Variants in CCDC170 observed in about 807,000 individuals in gnomAD.
The protein encoded by CCDC170 is coiled-coil domain containing 170.
A neutral mutation model predicts 72.6 loss-of-function variants in CCDC170; 69 were observed. The ratio of observed to expected loss-of-function variants is 0.95; its 90% confidence interval spans 0.78 to 1.16. CCDC170 has a LOEUF of 1.16. CCDC170 is among the 50% of genes most tolerant of loss of function. The pLI, the probability that CCDC170 is intolerant of heterozygous loss-of-function variation, is 0.00. For missense variants in CCDC170, 852 were observed against 832.5 expected (o/e 1.02, Z -0.29); for synonymous variants, 300 against 303.9 (o/e 0.99, Z 0.13).
In CCDC170 at chr6:151,573,391, C is replaced by T. The variant is rs1776257064; in HGVS notation, c.992C>T (p.Ala331Val). Residue 331 changes from alanine (A) to valine (V), a missense_variant, in exon 6 of 11, where the codon GCA becomes GTA. Coordinates refer to ENST00000239374, the MANE Select transcript of CCDC170 (RefSeq NM_025059.4). ...SQYFSFREKI[A>V]ALLRGRLSMT... ...TACTTCTCATTTAGGGAGAAAATCG[C>T]AGCCCTCCTTAGGGGCAGATTGAGC... The T allele has an allele frequency of 2.5e-6, 4 of 1,614,022 alleles. No homozygotes were observed. Among genetic ancestry groups the T allele is most frequent in the African/African-American group, 2.7e-5 (2 of 74,910 alleles).
At chr6:151,495,264 C>T (rs544856619) in intron 1 of CCDC170, among the ~76,000 whole-genome samples, 1 of 152,228 alleles carries the variant, frequency 6.6e-6, no homozygotes, top group South Asian at 2.1e-4. Context: ...TTTTTTCTTT[C>T]TTTCTAACTC....
At chr6:151,571,601 C>T (rs1250587580) in intron 5 of CCDC170, among the ~76,000 whole-genome samples, 6 of 152,082 alleles carry the variant, frequency 3.9e-5, no homozygotes, top group African/African-American at 1.4e-4. Flanking sequence ...GTGGCACTTG[C>T]CTGTAATCCC....
chr6:151,564,427 G>A (rs533739076), intron 5 of CCDC170, among the ~76,000 whole-genome samples: 13 of 152,214 alleles, frequency 8.5e-5, no homozygotes, highest in South Asian at 2.1e-4. Flanking sequence ...TTCTTAGGCC[G>A]CAGGGTGGCA....
chr6:151,597,306 T>TCC (rs1184629717), intron 9 of CCDC170, among the ~76,000 whole-genome samples: 1 of 152,034 alleles, frequency 6.6e-6, no homozygotes, highest in Non-Finnish European at 1.5e-5. Context: ...TTTTGTATTT[T>TCC]TAGTAGAGAC....
intron 9 of CCDC170, among the ~76,000 whole-genome samples, chr6:151,602,740 C>G (rs1015118143): frequency 3.3e-5 from 5 of 152,086 alleles, no homozygotes; most frequent in African/African-American, 1.2e-4. Flanking sequence ...CCCGGCGATG[C>G]AGAACTGTGA....
At chr6:151,546,278 T>C (rs990050897) in intron 4 of CCDC170, among the ~76,000 whole-genome samples, 30 of 152,178 alleles carry the variant, frequency 2.0e-4, no homozygotes, top group Non-Finnish European at 3.4e-4. Context: ...TATGGCTAAC[T>C]TGTGACCAGG....
intron 3 of CCDC170, 147 bp from the exon 4 acceptor site, chr6:151,544,425 G>C (rs1782740536): frequency 1.3e-6 from 1 of 790,614 alleles, no homozygotes. Flanking sequence ...TAGGGCTTCT[G>C]TGACAATAAT....
At chr6:151,535,235 A>T (rs1435005312) in intron 1 of CCDC170, among the ~76,000 whole-genome samples, 2 of 152,220 alleles carry the variant, frequency 1.3e-5, no homozygotes, top group African/African-American at 2.4e-5. Context: ...CTTGTCTTGA[A>T]AAACTGGAAT....
At chr6:151,546,083 T>G (rs1782768077) in intron 4 of CCDC170, among the ~76,000 whole-genome samples, 1 of 152,184 alleles carries the variant, frequency 6.6e-6, no homozygotes, top group Non-Finnish European at 1.5e-5. Context: ...TGGCCTATCA[T>G]GCAGCCATTT....
At chr6:151,612,316 A>G (rs1330381323) in intron 9 of CCDC170, among the ~76,000 whole-genome samples, 1 of 152,232 alleles carries the variant, frequency 6.6e-6, no homozygotes, top group Non-Finnish European at 1.5e-5. Flanking sequence ...AATCTCTGAC[A>G]GTAGTCTCCA....
chr6:151,616,790 C>T (rs567601014), intron 10 of CCDC170, among the ~76,000 whole-genome samples: 1 of 152,282 alleles, frequency 6.6e-6, no homozygotes, highest in South Asian at 2.1e-4. Context: ...GGTTCAGAGT[C>T]AGCCCCTTCT....
At chr6:151,560,824 T>C (rs1467358444) in intron 5 of CCDC170, among the ~76,000 whole-genome samples, 2 of 152,146 alleles carry the variant, frequency 1.3e-5, no homozygotes, top group African/African-American at 4.8e-5. Flanking sequence ...TATTTCTCCA[T>C]CCCTTTACTT....
chr6:151,607,990 A>G (rs1349898405), intron 9 of CCDC170, among the ~76,000 whole-genome samples: 1 of 152,064 alleles, frequency 6.6e-6, no homozygotes. Flanking sequence ...TGTTCACTTA[A>G]TGGTGTACCT....
intron 6 of CCDC170, among the ~76,000 whole-genome samples, chr6:151,578,613 A>C (rs944237255): frequency 2.6e-5 from 4 of 152,196 alleles, no homozygotes; most frequent in African/African-American, 9.7e-5. Flanking sequence ...GGGGGGCTTC[A>C]ACATATCTTT....
intron 10 of CCDC170, among the ~76,000 whole-genome samples, chr6:151,617,040 G>T (rs1377669925): frequency 6.6e-6 from 1 of 152,218 alleles, no homozygotes; most frequent in Non-Finnish European, 1.5e-5. Context: ...GAAGCGGGTT[G>T]CAGAGCAAAT....
At chr6:151,544,195 C>G (rs1171750240) in intron 3 of CCDC170, among the ~76,000 whole-genome samples, 1 of 152,160 alleles carries the variant, frequency 6.6e-6, no homozygotes, top group Non-Finnish European at 1.5e-5. Flanking sequence ...GTAGCACTCT[C>G]CTTCCCCATG....
intron 3 of CCDC170, 50 bp from the exon 4 acceptor site, chr6:151,544,522 G>A: frequency 6.5e-7 from 1 of 1,547,780 alleles, no homozygotes; most frequent in Non-Finnish European, 8.8e-7. Context: ...TTTGATGAAT[G>A]TTATCTTCCA....
chr6:151,618,121 C>T lies in CCDC170; in HGVS notation c.2122C>T (p.Gln708Ter). Reference protein sequence around the residue: ...DVTTGQERHPQGHLQLLH With the variant: ...DVTTGQERHP ...GACTACTGGGCAAGAGAGGCACCCA[C>T]AAGGCCATTTACAGCTTCTTCATTG... The change falls in exon 11 of 11, where the codon CAA becomes TAA. Residue 708 changes from glutamine to a stop codon, truncating the protein, a stop_gained. Coordinates refer to ENST00000239374, the MANE Select transcript of CCDC170 (RefSeq NM_025059.4). LOFTEE classifies it high-confidence loss of function. 1.2e-6 allele frequency: 2 copies of T among 1,614,116 alleles called. No individual in the cohort carries two copies. The highest frequency in any genetic ancestry group is 1.7e-6 in the Non-Finnish European group (2 of 1,180,012).
At chr6:151,561,079 TTGTG>T (rs1783069651) in intron 5 of CCDC170, among the ~76,000 whole-genome samples, 1 of 152,034 alleles carries the variant, frequency 6.6e-6, no homozygotes, top group Admixed American at 6.6e-5. Flanking sequence ...TTTTTTAAAA[TTGTG>T]TGGGTACATA....
Sources: allele counts gnomAD v4.1 joint callset (sites outside exome capture counted in the v4.1 genomes callset), GRCh38; gene constraint gnomAD v4.1.1; transcripts MANE v1.5; gene names NCBI Gene and HGNC (gene_info 2026-07-23, HGNC 2026-07-21).